Variants in MYO1B observed in about 807,000 individuals in gnomAD.
MYO1B encodes myosin IB.
MYO1B carries 72 observed loss-of-function variants against 159.7 expected under a neutral mutation model. That is an observed-to-expected ratio of 0.45 (90% CI 0.37 to 0.55). MYO1B has a LOEUF of 0.55. MYO1B is among the 20% of genes least tolerant of loss of function. MYO1B has a pLI of 0.00. For missense variants in MYO1B, 1,062 were observed against 1,364.8 expected (o/e 0.78, Z 3.50); for synonymous variants, 468 against 473.8 (o/e 0.99, Z 0.16).
chr2:191,411,373 G>T (rs1697239820), intron 27 of MYO1B, among the ~76,000 whole-genome samples: 1 of 152,164 alleles, frequency 6.6e-6, no homozygotes. Context: ...ATGAGGTTAC[G>T]ATTGTTGGTT....
At chr2:191,415,074 A>G (rs990077482) in intron 29 of MYO1B, among the ~76,000 whole-genome samples, 4 of 152,236 alleles carry the variant, frequency 2.6e-5, no homozygotes, top group Admixed American at 6.5e-5. Context: ...TAGCTTAACC[A>G]GGACTCCTGG....
intron 2 of MYO1B, among the ~76,000 whole-genome samples, chr2:191,281,366 C>T (rs184817534): frequency 6.7e-4 from 102 of 152,236 alleles, no homozygotes; most frequent in Non-Finnish European, 1.2e-3. Flanking sequence ...CACACAGGGT[C>T]AGAGACTCTA....
intron 3 of MYO1B, among the ~76,000 whole-genome samples, chr2:191,318,163 G>A (rs1185398217): frequency 6.6e-6 from 1 of 152,154 alleles, no homozygotes; most frequent in East Asian, 1.9e-4. Flanking sequence ...TGTAATAGAT[G>A]TAGAAATAGG....
chr2:191,263,880 T>C (rs1686965111), intron 1 of MYO1B, among the ~76,000 whole-genome samples: 1 of 152,210 alleles, frequency 6.6e-6, no homozygotes, highest in South Asian at 2.1e-4. Flanking sequence ...TTTATAAATG[T>C]GAATTTTATA....
At chr2:191,373,719 G>A (rs1382468467) in intron 13 of MYO1B, among the ~76,000 whole-genome samples, 1 of 152,150 alleles carries the variant, frequency 6.6e-6, no homozygotes, top group African/African-American at 2.4e-5. Flanking sequence ...TTTTTACTCC[G>A]TTTAAACAGA....
At chr2:191,328,963 C>T (rs1691284763) in intron 3 of MYO1B, among the ~76,000 whole-genome samples, 1 of 152,140 alleles carries the variant, frequency 6.6e-6, no homozygotes, top group Admixed American at 6.6e-5. Flanking sequence ...TTCTCTTTCT[C>T]TTTCTCTCCT....
chr2:191,259,912 T>G (rs1686691730), intron 1 of MYO1B, among the ~76,000 whole-genome samples: 1 of 152,042 alleles, frequency 6.6e-6, no homozygotes, highest in Admixed American at 6.6e-5. Flanking sequence ...AAATGCAAGG[T>G]CCGGAGCTTA....
intron 2 of MYO1B, among the ~76,000 whole-genome samples, chr2:191,277,602 TA>T (rs1334699735): frequency 6.6e-6 from 1 of 152,232 alleles, no homozygotes; most frequent in African/African-American, 2.4e-5. Flanking sequence ...TTTCCTGTTG[TA>T]AAAAGTCTTT....
intron 3 of MYO1B, among the ~76,000 whole-genome samples, chr2:191,305,248 G>T (rs1171512528): frequency 6.6e-6 from 1 of 152,210 alleles, no homozygotes; most frequent in East Asian, 1.9e-4. Flanking sequence ...GGCAGGGTAA[G>T]TAGGGCCAAA....
chr2:191,330,402 C>A (rs1463908268), intron 4 of MYO1B, among the ~76,000 whole-genome samples: 2 of 152,150 alleles, frequency 1.3e-5, no homozygotes, highest in Non-Finnish European at 2.9e-5. Context: ...ACACACTCTA[C>A]CTTTGCTAAA....
intron 3 of MYO1B, among the ~76,000 whole-genome samples, chr2:191,323,411 A>G (rs1228302736): frequency 6.6e-6 from 1 of 152,280 alleles, no homozygotes; most frequent in East Asian, 1.9e-4. Context: ...TGTCTTACAC[A>G]GGGATTTCTA....
intron 17 of MYO1B, among the ~76,000 whole-genome samples, chr2:191,389,006 CCCCCATGTAGATAT>C (rs1695578605): frequency 6.6e-6 from 1 of 152,070 alleles, no homozygotes; most frequent in Non-Finnish European, 1.5e-5. Context: ...GTCTGTTTCC[CCCCCATGTAGATAT>C]CCTGTTGCAC....
intron 1 of MYO1B, among the ~76,000 whole-genome samples, chr2:191,265,891 C>T (rs535459990): frequency 3.3e-5 from 5 of 152,106 alleles, no homozygotes; most frequent in East Asian, 1.9e-4. Flanking sequence ...GCATGACGAC[C>T]GGTTCCCCTA....
intron 3 of MYO1B, among the ~76,000 whole-genome samples, chr2:191,297,129 T>G (rs1326994543): frequency 7.0e-6 from 1 of 142,218 alleles, no homozygotes; most frequent in Non-Finnish European, 1.6e-5. Flanking sequence ...ATTTACATTC[T>G]CATGTCCACT....
intron 11 of MYO1B, among the ~76,000 whole-genome samples, chr2:191,364,509 C>T (rs1419201914): frequency 3.6e-5 from 4 of 111,612 alleles, no homozygotes; most frequent in African/African-American, 1.7e-4. Flanking sequence ...AGTGCTGTAG[C>T]AAACTAGCCC....
chr2:191,324,703 C>T (rs769818872), intron 3 of MYO1B, among the ~76,000 whole-genome samples: 5 of 152,132 alleles, frequency 3.3e-5, no homozygotes, highest in Non-Finnish European at 7.4e-5. Context: ...GCAGGGGTAA[C>T]TGTAATGTGT....
chr2:191,352,411 CA>C (rs1692984606), intron 7 of MYO1B, among the ~76,000 whole-genome samples: 1 of 152,106 alleles, frequency 6.6e-6, no homozygotes, highest in South Asian at 2.1e-4. Context: ...ATGATTTAAT[CA>C]ATATTACTCG....
At chr2:191,414,458 T>C (rs557463609) in intron 28 of MYO1B, 59 bp from the exon 29 acceptor site, 2 of 1,484,266 alleles carry the variant, frequency 1.3e-6, no homozygotes, top group Admixed American at 4.7e-5. Flanking sequence ...CTTAAACTCA[T>C]GGACCATTTT....
At chr2:191,300,410 C>T (rs1689244629) in intron 3 of MYO1B, among the ~76,000 whole-genome samples, 1 of 150,234 alleles carries the variant, frequency 6.7e-6, no homozygotes, top group Non-Finnish European at 1.5e-5. Flanking sequence ...ATGGCGCGAT[C>T]TCGGCTCACT....
Sources: gnomAD v4.1 joint callset for allele counts (sites outside exome capture counted in the v4.1 genomes callset) on GRCh38, gnomAD v4.1.1 for gene constraint, MANE v1.5 for transcripts, NCBI Gene and HGNC (gene_info 2026-07-23, HGNC 2026-07-21) for gene names.